The following SDK1 variants were observed in gnomAD, a reference collection of about 807,000 sequenced individuals.
SDK1 encodes the protein sidekick cell adhesion molecule 1.
SDK1 carries 157 observed loss-of-function variants against 245.5 expected under a neutral mutation model. The ratio of observed to expected loss-of-function variants is 0.64; its 90% CI spans 0.56 to 0.73. The LOEUF (loss-of-function observed/expected upper bound fraction) is 0.73. SDK1 is among the 30% of genes least tolerant of loss of function. The pLI, the probability that SDK1 is intolerant of heterozygous loss-of-function variation, is 0.00. For missense variants in SDK1, 3,583 were observed against 3,002.3 expected, an observed-to-expected ratio of 1.19 and a Z score of -4.52; for synonymous variants, 1,647 against 1,278.5, an observed-to-expected ratio of 1.29 and a Z score of -6.15.
At chr7:3,566,970 T>G (rs1779940200) in intron 1 of SDK1, among the ~76,000 whole-genome samples, 1 of 151,918 alleles carries the variant, frequency 6.6e-6, no homozygotes, top group South Asian at 2.1e-4. Context: ...GTGGTGGGAG[T>G]GTAGACTTGG....
At chr7:3,996,958 T>A (rs1784732343) in intron 14 of SDK1, among the ~76,000 whole-genome samples, 1 of 152,212 alleles carries the variant, frequency 6.6e-6, no homozygotes, top group Non-Finnish European at 1.5e-5. Context: ...AGATATAATT[T>A]GTATGTAACA....
At chr7:3,412,990 T>C (rs1583820570) in intron 1 of SDK1, among the ~76,000 whole-genome samples, 1 of 152,134 alleles carries the variant, frequency 6.6e-6, no homozygotes, top group African/African-American at 2.4e-5. Context: ...TTCTGGTAAA[T>C]AAACAAGATT....
intron 5 of SDK1, among the ~76,000 whole-genome samples, chr7:3,911,084 G>C (rs1418485220): frequency 2.6e-5 from 4 of 152,208 alleles, no homozygotes; most frequent in African/African-American, 7.2e-5. Context: ...GGGGACTAGG[G>C]TGGCCCGGCT....
At chr7:3,621,004 G>A (rs1781921491) in intron 2 of SDK1, among the ~76,000 whole-genome samples, 1 of 152,106 alleles carries the variant, frequency 6.6e-6, no homozygotes, top group African/African-American at 2.4e-5. Context: ...CTGAGCAATG[G>A]TGTTATAACT....
Position 4,145,798 on chromosome 7 carries a change from G to T in SDK1, c.4305G>T (p.Arg1435Ser). 1 of 1,613,836 alleles carries T rather than the reference G, an allele frequency of 6.2e-7. No individual in the cohort carries two copies. Among genetic ancestry groups the T allele is most frequent in the Non-Finnish European group, 8.5e-7 (1 of 1,179,922 alleles). ...CCGTGGAGGTCGGCGCCACAGTGAG[G>T]CAGTTCACAGCCACCGACCTGGCCC... ...FTTVEVGATVRQFTATDLAPE... is the reference protein window; with the variant it reads ...FTTVEVGATVSQFTATDLAPE... Residue 1435 changes from arginine (R) to serine (S), a missense_variant, in exon 29 of 45, where the codon AGG becomes AGT. Coordinates refer to ENST00000404826, the MANE Select transcript of SDK1 (RefSeq NM_152744.4).
At chr7:3,571,589 C>T (rs1272413741) in intron 1 of SDK1, among the ~76,000 whole-genome samples, 1 of 152,050 alleles carries the variant, frequency 6.6e-6, no homozygotes, top group African/African-American at 2.4e-5. Context: ...CAGGTGTGAG[C>T]CACGACATCT....
At chr7:3,389,632 G>C (rs1287095716) in intron 1 of SDK1, among the ~76,000 whole-genome samples, 1 of 152,194 alleles carries the variant, frequency 6.6e-6, no homozygotes, top group Non-Finnish European at 1.5e-5. Flanking sequence ...AGGTGTGGTG[G>C]CTCAAGTCTG....
intron 1 of SDK1, among the ~76,000 whole-genome samples, chr7:3,467,077 A>G (rs779266761): frequency 6.6e-6 from 1 of 151,288 alleles, no homozygotes; most frequent in Non-Finnish European, 1.5e-5. Flanking sequence ...AAGACATCAA[A>G]ATGGTAAAAG....
intron 1 of SDK1, among the ~76,000 whole-genome samples, chr7:3,489,518 T>C (rs1024787491): frequency 3.9e-5 from 6 of 152,226 alleles, no homozygotes; most frequent in African/African-American, 1.4e-4. Context: ...CATTGTGTTG[T>C]CTTTATTGTT....
intron 4 of SDK1, among the ~76,000 whole-genome samples, chr7:3,815,570 A>G (rs1008756015): frequency 2.0e-5 from 3 of 148,494 alleles, no homozygotes; most frequent in Non-Finnish European, 4.5e-5. Context: ...TTGGTCTAAA[A>G]TTCTCTTTTT....
chr7:4,160,093 G>A (rs984458427), intron 31 of SDK1, among the ~76,000 whole-genome samples: 6 of 152,192 alleles, frequency 3.9e-5, no homozygotes, highest in East Asian at 1.9e-4. Context: ...AAGCCTTTCC[G>A]GTTAATCTAC....
At chr7:3,992,035 A>C (rs190936650) in intron 14 of SDK1, among the ~76,000 whole-genome samples, 6 of 152,266 alleles carry the variant, frequency 3.9e-5, no homozygotes, top group African/African-American at 1.2e-4. Flanking sequence ...AGCGCCATCT[A>C]CTAGGTCTGT....
At chr7:3,983,851 G>A (rs1583724726) in intron 13 of SDK1, among the ~76,000 whole-genome samples, 1 of 152,292 alleles carries the variant, frequency 6.6e-6, no homozygotes, top group East Asian at 1.9e-4. Flanking sequence ...ATCACACTGA[G>A]TGTGACTTTG....
At chr7:4,197,268 G>A (rs1425012232) in intron 35 of SDK1, among the ~76,000 whole-genome samples, 1 of 151,742 alleles carries the variant, frequency 6.6e-6, no homozygotes, top group South Asian at 2.1e-4. Context: ...TTTGAGACCA[G>A]CCTGAGCAAT....
rs374965985 is a variant in SDK1, at chr7:3,352,814, A to G, written c.298+50930A>G. ...ACAAAGTTCTGAGGAGCATGAAAAA[A>G]TTGAGGTATTCACAGTGTCTGGGGA... On this transcript the variant is annotated intron_variant, in intron 1 of 44. Transcript: ENST00000404826. Among the ~76,000 whole-genome samples, 6 of 152,072 alleles carry G rather than the reference A, an allele frequency of 3.9e-5. No individual in the cohort carries two copies. The South Asian group carries it at 6.2e-4, about 16-fold the overall frequency.
At chr7:3,596,812 T>G (rs996987803) in intron 1 of SDK1, among the ~76,000 whole-genome samples, 1 of 152,206 alleles carries the variant, frequency 6.6e-6, no homozygotes, top group Admixed American at 6.5e-5. Flanking sequence ...TAACTCATGC[T>G]GCCACATCAT....
At chr7:3,507,329 T>C (rs1287018152) in intron 1 of SDK1, among the ~76,000 whole-genome samples, 1 of 152,212 alleles carries the variant, frequency 6.6e-6, no homozygotes, top group Admixed American at 6.5e-5. Flanking sequence ...ACCTCTTTCT[T>C]TGTAGAACTC....
chr7:3,441,515 T>C (rs1780196511), intron 1 of SDK1, among the ~76,000 whole-genome samples: 1 of 152,222 alleles, frequency 6.6e-6, no homozygotes, highest in African/African-American at 2.4e-5. Context: ...GGAAATCACT[T>C]GTCCATGTAT....
chr7:3,808,392 C>T (rs1345292057), intron 4 of SDK1, among the ~76,000 whole-genome samples: 2 of 152,188 alleles, frequency 1.3e-5, no homozygotes, highest in Admixed American at 6.5e-5. Flanking sequence ...AAATCCTACA[C>T]AGAAAAATCT....
Sources: gnomAD v4.1 joint callset for allele counts (sites outside exome capture counted in the v4.1 genomes callset) on GRCh38, gnomAD v4.1.1 for gene constraint, MANE v1.5 for transcripts, NCBI Gene and HGNC (gene_info 2026-07-23, HGNC 2026-07-21) for gene names.